Variants in KLF12 observed in about 807,000 individuals in gnomAD.
The protein encoded by KLF12 is KLF transcription factor 12.
Under a neutral mutation model 37.8 loss-of-function variants are expected in KLF12, and 9 were observed. That is an observed-to-expected ratio of 0.24 (90% CI 0.14 to 0.42). The LOEUF (loss-of-function observed/expected upper bound fraction) is 0.42. Ranked by LOEUF, KLF12 falls within the 10% of genes least tolerant of loss-of-function variation. KLF12 has a pLI of 1.00. For missense variants in KLF12, 411 were observed against 516.0 expected, an observed-to-expected ratio of 0.80 and a Z score of 1.97; for synonymous variants, 208 against 202.1, an observed-to-expected ratio of 1.03 and a Z score of -0.25.
chr13:73,967,094 C>T (rs1891189647), intron 2 of KLF12, among the ~76,000 whole-genome samples: 1 of 152,140 alleles, frequency 6.6e-6, no homozygotes, highest in African/African-American at 2.4e-5. Flanking sequence ...TAATACCTTC[C>T]TATGAATGCA....
intron 1 of KLF12, among the ~76,000 whole-genome samples, chr13:74,121,538 A>G (rs1238703576): frequency 6.6e-6 from 1 of 152,122 alleles, no homozygotes; most frequent in Non-Finnish European, 1.5e-5. Flanking sequence ...AGCTTATGTA[A>G]GCAATGCATA....
the KLF12 span, among the ~76,000 whole-genome samples, chr13:74,264,936 C>G: frequency 1.3e-5 from 2 of 151,616 alleles, no homozygotes; most frequent in Non-Finnish European, 1.5e-5. Context: ...AGAGGGCAAG[C>G]TACTTTTAAT....
chr13:73,901,782 A>T (rs1888054733), intron 3 of KLF12, among the ~76,000 whole-genome samples: 1 of 152,316 alleles, frequency 6.6e-6, no homozygotes, highest in African/African-American at 2.4e-5. Flanking sequence ...TATCATCCAC[A>T]GTTGTAAAAC....
chr13:74,042,963 G>C (rs576702095), intron 1 of KLF12, among the ~76,000 whole-genome samples: 2 of 152,286 alleles, frequency 1.3e-5, no homozygotes, highest in East Asian at 3.9e-4. Context: ...ATTCAAGAAA[G>C]TAGCAAAGTT....
At chr13:73,736,022 A>G (rs755520752) in intron 6 of KLF12, among the ~76,000 whole-genome samples, 1 of 151,492 alleles carries the variant, frequency 6.6e-6, no homozygotes, top group Non-Finnish European at 1.5e-5. Context: ...CTACCCAGGT[A>G]TGACATTAAA....
intron 7 of KLF12, among the ~76,000 whole-genome samples, chr13:73,702,374 C>CAAA (rs1874623275): frequency 6.6e-6 from 1 of 152,048 alleles, no homozygotes; most frequent in Admixed American, 6.6e-5. Context: ...TCCCAAAACC[C>CAAA]ACCAAACAAA....
chr13:73,918,462 G>A (rs989151886), intron 3 of KLF12, among the ~76,000 whole-genome samples: 26 of 151,882 alleles, frequency 1.7e-4, no homozygotes, highest in African/African-American at 5.3e-4. Context: ...CTAACTTAAG[G>A]CACATTTCTC....
At chr13:73,737,393 T>C (rs994497046) in intron 6 of KLF12, among the ~76,000 whole-genome samples, 4 of 152,170 alleles carry the variant, frequency 2.6e-5, no homozygotes, top group African/African-American at 7.2e-5. Flanking sequence ...CAAATGAGTG[T>C]CAACAATGGG....
At chr13:73,855,818 T>C (rs957013846) in intron 3 of KLF12, among the ~76,000 whole-genome samples, 10 of 144,202 alleles carry the variant, frequency 6.9e-5, no homozygotes, top group Non-Finnish European at 1.4e-4. Flanking sequence ...CATTGTGATA[T>C]GGCATCTCAT....
intron 2 of KLF12, among the ~76,000 whole-genome samples, chr13:73,948,250 C>T (rs1247432149): frequency 6.6e-6 from 1 of 151,722 alleles, no homozygotes; most frequent in Non-Finnish European, 1.5e-5. Context: ...GAGACAGAGT[C>T]CCACTCTATC....
upstream of KLF12, among the ~76,000 whole-genome samples, chr13:74,136,362 G>A (rs114361019): frequency 2.8e-3 from 428 of 152,316 alleles, no homozygotes; most frequent in African/African-American, 9.8e-3. Context: ...TGGAAACGAC[G>A]TGAAAACACA....
At chr13:73,809,997 G>C (rs1882842486) in intron 5 of KLF12, among the ~76,000 whole-genome samples, 1 of 152,190 alleles carries the variant, frequency 6.6e-6, no homozygotes, top group South Asian at 2.1e-4. Context: ...TGTACTCTCA[G>C]CACTTTGGGA....
chr13:74,168,376 C>T, the KLF12 span, among the ~76,000 whole-genome samples: 1 of 152,216 alleles, frequency 6.6e-6, no homozygotes, highest in Non-Finnish European at 1.5e-5. Context: ...CATATTACAA[C>T]TTTCTTTTGG....
the KLF12 span, among the ~76,000 whole-genome samples, chr13:74,167,966 A>G: frequency 6.6e-6 from 1 of 152,244 alleles, no homozygotes; most frequent in Non-Finnish European, 1.5e-5. Context: ...CAAATTGGCT[A>G]AAATCCTTAT....
intron 4 of KLF12, among the ~76,000 whole-genome samples, chr13:73,817,422 A>G (rs950871002): frequency 6.6e-6 from 1 of 151,358 alleles, no homozygotes; most frequent in South Asian, 2.1e-4. Flanking sequence ...GTTGTAGGGC[A>G]GCAATAAAAA....
At chr13:74,093,915 AG>A (rs1181658180) in intron 1 of KLF12, among the ~76,000 whole-genome samples, 1 of 152,058 alleles carries the variant, frequency 6.6e-6, no homozygotes, top group East Asian at 1.9e-4. Flanking sequence ...TTCTTAGGAA[AG>A]GGCTATTTTT....
At chr13:74,200,383 T>G in the KLF12 span, among the ~76,000 whole-genome samples, 1 of 152,082 alleles carries the variant, frequency 6.6e-6, no homozygotes, top group South Asian at 2.1e-4. Flanking sequence ...GATTGGAGCA[T>G]GAAGCATGAG....
chr13:74,301,784 C>T, the KLF12 span, among the ~76,000 whole-genome samples: 14 of 152,082 alleles, frequency 9.2e-5, no homozygotes, highest in African/African-American at 3.1e-4. Flanking sequence ...TATTTCAGGG[C>T]GTTAGAGTGT....
chr13:74,245,511 A>G, the KLF12 span, among the ~76,000 whole-genome samples: 5 of 152,198 alleles, frequency 3.3e-5, no homozygotes, highest in Non-Finnish European at 7.3e-5. Context: ...AGACCTGTGA[A>G]GGAATGTTAA....
Sources: allele counts gnomAD v4.1 joint callset (sites outside exome capture counted in the v4.1 genomes callset), GRCh38; gene constraint gnomAD v4.1.1; transcripts MANE v1.5; gene names NCBI Gene and HGNC (gene_info 2026-07-23, HGNC 2026-07-21).